The following CTNNA3 variants were observed in gnomAD, a reference collection of about 807,000 sequenced individuals.
CTNNA3 encodes catenin alpha-3.
In CTNNA3, 76 loss-of-function variants were observed where a neutral mutation model predicts 95.7. The ratio of observed to expected loss-of-function variants is 0.79; its 90% CI spans 0.66 to 0.96. The LOEUF (loss-of-function observed/expected upper bound fraction) is 0.96. Among genes scored for constraint, CTNNA3 ranks in the 40% least tolerant of loss-of-function variants. CTNNA3 has a pLI of 0.00. For synonymous variants in CTNNA3, 431 were observed against 374.4 expected (o/e 1.15, Z -1.74); for missense variants, 1,191 against 1,089.8 (o/e 1.09, Z -1.31).
intron 7 of CTNNA3, among the ~76,000 whole-genome samples, chr10:67,020,384 GC>G (rs1251726446): frequency 1.3e-5 from 2 of 152,064 alleles, no homozygotes; most frequent in Non-Finnish European, 2.9e-5. Context: ...TCCCTTCTGA[GC>G]TTTTATTATC....
chr10:66,207,251 C>G (rs1025307158), intron 13 of CTNNA3, among the ~76,000 whole-genome samples: 1 of 151,542 alleles, frequency 6.6e-6, no homozygotes, highest in Non-Finnish European at 1.5e-5. Context: ...GTATTTTGAT[C>G]CTTAAAAGTC....
At chr10:66,944,065 C>A (rs1328851962) in intron 7 of CTNNA3, among the ~76,000 whole-genome samples, 1 of 152,066 alleles carries the variant, frequency 6.6e-6, no homozygotes. Context: ...AGGATGTCTG[C>A]TGCATTGGTT....
At chr10:66,911,334 G>A (rs1409984109) in intron 7 of CTNNA3, among the ~76,000 whole-genome samples, 2 of 152,108 alleles carry the variant, frequency 1.3e-5, no homozygotes, top group East Asian at 3.9e-4. Flanking sequence ...CTTTTGGATG[G>A]CGAGATCATG....
chr10:66,586,126 C>T (rs1843353475), intron 10 of CTNNA3, among the ~76,000 whole-genome samples: 1 of 151,958 alleles, frequency 6.6e-6, no homozygotes, highest in Non-Finnish European at 1.5e-5. Context: ...TTCACTGTCT[C>T]CTAAGGGGCT....
At chr10:66,948,943 A>C (rs1039044653) in intron 7 of CTNNA3, among the ~76,000 whole-genome samples, 2 of 152,198 alleles carry the variant, frequency 1.3e-5, no homozygotes, top group Non-Finnish European at 2.9e-5. Flanking sequence ...GAGAACAAAG[A>C]CATAATTCCA....
At chr10:67,035,836 A>T (rs1854013751) in intron 7 of CTNNA3, among the ~76,000 whole-genome samples, 1 of 152,208 alleles carries the variant, frequency 6.6e-6, no homozygotes, top group African/African-American at 2.4e-5. Flanking sequence ...TCTGCATTTT[A>T]CAAAGAAACT....
At chr10:65,928,881 T>C (rs2077206792) in intron 17 of CTNNA3, among the ~76,000 whole-genome samples, 1 of 152,110 alleles carries the variant, frequency 6.6e-6, no homozygotes, top group Non-Finnish European at 1.5e-5. Flanking sequence ...TTATTTCTCT[T>C]TTTTTTATTA....
At chr10:66,829,115 TG>T (rs1293037367) in intron 7 of CTNNA3, among the ~76,000 whole-genome samples, 2 of 152,196 alleles carry the variant, frequency 1.3e-5, no homozygotes, top group Non-Finnish European at 2.9e-5. Flanking sequence ...GGCCACTCCA[TG>T]TCAATAGCTA....
upstream of CTNNA3, among the ~76,000 whole-genome samples, chr10:67,699,113 C>G (rs139286499): frequency 1.9e-3 from 294 of 152,272 alleles, no homozygotes; most frequent in African/African-American, 6.7e-3. Flanking sequence ...TTCAAGGACT[C>G]TGCTCCTTCA....
At chr10:66,356,852 A>G (rs1372978693) in intron 12 of CTNNA3, among the ~76,000 whole-genome samples, 3 of 152,050 alleles carry the variant, frequency 2.0e-5, no homozygotes, top group African/African-American at 7.2e-5. Flanking sequence ...TTTTTTCTGC[A>G]TCTTTGATAT....
At chr10:66,991,564 T>C (rs1169023240) in intron 7 of CTNNA3, among the ~76,000 whole-genome samples, 1 of 152,126 alleles carries the variant, frequency 6.6e-6, no homozygotes, top group African/African-American at 2.4e-5. Flanking sequence ...ATTTATTTAG[T>C]TTTTGAGATG....
At chr10:67,435,097 G>A (rs1564647280) in intron 5 of CTNNA3, among the ~76,000 whole-genome samples, 4 of 151,940 alleles carry the variant, frequency 2.6e-5, no homozygotes, top group Non-Finnish European at 5.9e-5. Flanking sequence ...AATGTTCCTA[G>A]CTTTTTCTTT....
chr10:67,470,928 G>A (rs1437951549), intron 5 of CTNNA3, among the ~76,000 whole-genome samples: 1 of 152,106 alleles, frequency 6.6e-6, no homozygotes, highest in Non-Finnish European at 1.5e-5. Context: ...CTACAGGCAT[G>A]TGCCACCACA....
At chr10:66,651,789 G>A (rs1052140757) in intron 9 of CTNNA3, among the ~76,000 whole-genome samples, 7 of 150,758 alleles carry the variant, frequency 4.6e-5, no homozygotes, top group South Asian at 2.1e-4. Flanking sequence ...CGCCCACCCA[G>A]AACCCGCATT....
intron 7 of CTNNA3, among the ~76,000 whole-genome samples, chr10:66,894,789 C>T (rs1331913849): frequency 1.3e-5 from 2 of 151,742 alleles, no homozygotes; most frequent in African/African-American, 4.8e-5. Context: ...TAGAACTATG[C>T]AGTTTGGGCT....
intron 12 of CTNNA3, among the ~76,000 whole-genome samples, chr10:66,307,444 A>C (rs10733820): frequency 0.27 from 40,411 of 152,126 alleles, 5,682 homozygotes; most frequent in African/African-American, 0.33. Context: ...GTTTTTAGTC[A>C]TGATTCTAAA....
intron 9 of CTNNA3, among the ~76,000 whole-genome samples, chr10:66,749,246 A>G (rs1839030531): frequency 6.6e-6 from 1 of 151,536 alleles, no homozygotes; most frequent in Admixed American, 6.6e-5. Context: ...AAAGAAAGAA[A>G]GAAAGATATT....
intron 5 of CTNNA3, among the ~76,000 whole-genome samples, chr10:67,389,182 C>T (rs554365343): frequency 4.5e-4 from 69 of 151,844 alleles, no homozygotes; most frequent in African/African-American, 1.6e-3. Flanking sequence ...CGTGCAGAGA[C>T]ACACATAGGC....
intron 12 of CTNNA3, among the ~76,000 whole-genome samples, chr10:66,325,483 G>C (rs1433281217): frequency 2.0e-5 from 3 of 152,074 alleles, no homozygotes; most frequent in Admixed American, 2.0e-4. Context: ...AGGCTCAAGG[G>C]ATCCTCCTGC....
Sources: allele counts gnomAD v4.1 joint callset (sites outside exome capture counted in the v4.1 genomes callset), GRCh38; gene constraint gnomAD v4.1.1; transcripts MANE v1.5; gene names NCBI Gene and HGNC (gene_info 2026-07-23, HGNC 2026-07-21).